SIL1: variants seen among roughly 807,000 people sequenced by gnomAD.
SIL1 encodes nucleotide exchange factor SIL1.
In SIL1, 40 loss-of-function variants were observed where a neutral mutation model predicts 49.1. That is an observed-to-expected ratio of 0.81 (90% CI 0.63 to 1.06). The LOEUF is 1.06. Ranked by LOEUF, SIL1 falls within the 50% of genes least tolerant of loss-of-function variation. The pLI is 0.00. For synonymous variants in SIL1, 253 were observed against 250.8 expected (o/e 1.01, Z -0.08); for missense variants, 500 against 572.6 (o/e 0.87, Z 1.29).
At chr5:139,051,499 C>T (rs959121478) in intron 3 of SIL1, among the ~76,000 whole-genome samples, 22 of 152,352 alleles carry the variant, frequency 1.4e-4, no homozygotes, top group African/African-American at 5.3e-4. Context: ...AGCCTGCCAT[C>T]CCAGCAAGCT....
chr5:138,973,968 T>C (rs1189135934), intron 7 of SIL1, among the ~76,000 whole-genome samples: 1 of 152,186 alleles, frequency 6.6e-6, no homozygotes, highest in African/African-American at 2.4e-5. Context: ...TTTATATGAA[T>C]GGATCACGCT....
intron 7 of SIL1, among the ~76,000 whole-genome samples, chr5:138,968,693 T>C (rs549326331): frequency 3.3e-5 from 5 of 152,284 alleles, no homozygotes; most frequent in Admixed American, 1.3e-4. Flanking sequence ...CTGTGCCTTG[T>C]TGTCTGTTCA....
chr5:139,091,580 C>T (rs764492589), intron 3 of SIL1, among the ~76,000 whole-genome samples: 1 of 152,218 alleles, frequency 6.6e-6, no homozygotes, highest in Non-Finnish European at 1.5e-5. Flanking sequence ...TTTGCATATA[C>T]AGCCCCTATA....
At chr5:139,177,537 C>T (rs980896088) in intron 1 of SIL1, among the ~76,000 whole-genome samples, 1 of 152,086 alleles carries the variant, frequency 6.6e-6, no homozygotes, top group Non-Finnish European at 1.5e-5. Flanking sequence ...CGCGCCCAGC[C>T]GAGAAGCTGA....
rs926117761 is a variant in SIL1 at position 139,057,075 on chromosome 5, A to C, written c.245-6029T>G. The stretch of plus-strand genomic sequence containing the variant: ...TGTCCACTCAGGGTTAAATGGATTA[A>C]GGGCGCTGCAAGATGTGCTTTGTTA... On this transcript the variant is annotated intron_variant, in intron 3 of 9. Transcript: ENST00000394817. 8.7e-4 allele frequency among the ~76,000 whole-genome samples: 132 copies of C among 152,068 alleles called. 1 individual carries two copies. The highest frequency in any genetic ancestry group is 3.0e-3 in the African/African-American group (126 of 41,472).
At chr5:139,035,642 C>CTTTTTT (rs759319838) in intron 5 of SIL1, 54 of 159,556 alleles carry the variant, frequency 3.4e-4, no homozygotes, top group Admixed American at 4.2e-4. Context: ...AGGTATACAA[C>CTTTTTT]TTTTTTTTTT....
chr5:138,983,773 A>G lies in SIL1; in HGVS notation c.768-31889T>C, dbSNP rs192843934. Reference sequence around the variant, plus strand: ...GAATGACAGTGATGCCCAAGCAGACAGACACAGTCTCTGTGAGACACATGC... The same window carrying G: ...GAATGACAGTGATGCCCAAGCAGACGGACACAGTCTCTGTGAGACACATGC... On this transcript the variant is annotated intron_variant, in intron 7 of 9. Transcript: ENST00000394817. 3.0e-3 allele frequency among the ~76,000 whole-genome samples: 460 copies of G among 152,230 alleles called. 1 individual carries two copies. The highest frequency in any genetic ancestry group is 4.9e-3 in the Non-Finnish European group (336 of 68,010).
intron 1 of SIL1, among the ~76,000 whole-genome samples, chr5:139,161,507 A>G (rs1447746151): frequency 6.6e-6 from 1 of 152,208 alleles, no homozygotes; most frequent in Non-Finnish European, 1.5e-5. Context: ...CTCAACACAC[A>G]AAGAATTGTT....
intron 7 of SIL1, among the ~76,000 whole-genome samples, chr5:138,970,952 G>C (rs1288106466): frequency 2.6e-5 from 4 of 151,942 alleles, no homozygotes; most frequent in Admixed American, 2.0e-4. Context: ...ACTTTGATTG[G>C]TCCTGCTTGT....
At chr5:139,064,443 C>T (rs746828674) in intron 3 of SIL1, among the ~76,000 whole-genome samples, 20 of 152,160 alleles carry the variant, frequency 1.3e-4, no homozygotes, top group African/African-American at 2.7e-4. Context: ...AGTGCAGAGA[C>T]GGCAGTCATA....
intron 7 of SIL1, among the ~76,000 whole-genome samples, chr5:138,990,004 G>A (rs1330923165): frequency 3.3e-5 from 5 of 152,154 alleles, no homozygotes; most frequent in Non-Finnish European, 7.4e-5. Flanking sequence ...GGCTCTTTGG[G>A]AAAGGCATGC....
At chr5:139,175,583 A>C (rs1472111182) in intron 1 of SIL1, among the ~76,000 whole-genome samples, 1 of 152,228 alleles carries the variant, frequency 6.6e-6, no homozygotes, top group African/African-American at 2.4e-5. Flanking sequence ...AACTTTTCCA[A>C]AACATTGAAG....
intron 5 of SIL1, among the ~76,000 whole-genome samples, chr5:139,033,177 T>TAA (rs1476596447): frequency 6.6e-6 from 1 of 151,974 alleles, no homozygotes; most frequent in African/African-American, 2.4e-5. Flanking sequence ...TTACTTTTAG[T>TAA]AGAGAAGGGG....
intron 4 of SIL1, among the ~76,000 whole-genome samples, chr5:139,046,365 A>T (rs1769165196): frequency 6.6e-6 from 1 of 152,080 alleles, no homozygotes; most frequent in Non-Finnish European, 1.5e-5. Flanking sequence ...TTTCCATTAC[A>T]ATTAAAGGTG....
At chr5:139,163,020 G>A (rs1021222842) in intron 1 of SIL1, among the ~76,000 whole-genome samples, 1 of 151,916 alleles carries the variant, frequency 6.6e-6, no homozygotes, top group Non-Finnish European at 1.5e-5. Context: ...GGTACAGGTG[G>A]AGCAAAGGCC....
rs919414972 is a variant in SIL1 at position 138,947,615 on chromosome 5, A to G, written c.1030-142T>C. 5.7e-6 allele frequency: 4 copies of G among 701,668 alleles called. No homozygotes were observed. Among genetic ancestry groups the G allele is most frequent in the African/African-American group, 3.5e-5 (2 of 57,534 alleles). 43.5% of individuals were successfully genotyped at this position (701,668 alleles called of 1,614,324 possible). A position where few individuals can be genotyped will look rare whatever the true frequency, so the allele number is the denominator to read the frequency against. ...CCCCTGAGGGCCCACCTCTTCCTCT[A>G]TCCCCAAGTCTGTCTGTCTATTCAT... On this transcript the variant is annotated intron_variant, in intron 9 of 9. Coordinates refer to ENST00000394817, the MANE Select transcript of SIL1 (RefSeq NM_022464.5). The surrounding 1 kb of genome is among the most constrained non-coding windows in gnomAD (Gnocchi z 4.1).
intron 6 of SIL1, among the ~76,000 whole-genome samples, chr5:139,023,984 C>A (rs1428871909): frequency 6.6e-6 from 1 of 152,178 alleles, no homozygotes; most frequent in Non-Finnish European, 1.5e-5. Context: ...CCTGTGAAAG[C>A]AGAATGGGGA....
At chr5:138,955,238 T>C (rs1766876749) in intron 7 of SIL1, among the ~76,000 whole-genome samples, 3 of 152,212 alleles carry the variant, frequency 2.0e-5, no homozygotes, top group Admixed American at 2.0e-4. Context: ...ATTAAGGACG[T>C]AGCTCATCTC....
At chr5:139,028,481 G>C (rs1768712528) in intron 5 of SIL1, among the ~76,000 whole-genome samples, 1 of 151,604 alleles carries the variant, frequency 6.6e-6, no homozygotes, top group African/African-American at 2.4e-5. Context: ...CTAAGCGACA[G>C]AGCGAGACTC....
Sources: gnomAD v4.1 joint callset for allele counts (sites outside exome capture counted in the v4.1 genomes callset) on GRCh38, gnomAD v4.1.1 for gene constraint, Gnocchi (gnomAD v3.1) non-coding constraint, MANE v1.5 for transcripts, NCBI Gene and HGNC (gene_info 2026-07-23, HGNC 2026-07-21) for gene names.